Variants in NEXMIF observed in about 807,000 individuals in gnomAD.
The protein encoded by NEXMIF is neurite extension and migration factor, also known as XLMR protein related to neurite extension.
In NEXMIF, 8 loss-of-function variants were observed where a neutral mutation model predicts 62.1. The observed-to-expected ratio is 0.13, with a 90% confidence interval of 0.08 to 0.23. The LOEUF (loss-of-function observed/expected upper bound fraction) is 0.23. Ranked by LOEUF, NEXMIF falls within the 10% of genes least tolerant of loss-of-function variation. The pLI is 1.00. For synonymous variants in NEXMIF, 404 were observed against 416.6 expected (o/e 0.97, Z 0.37); for missense variants, 976 against 1,113.3 (o/e 0.88, Z 1.75).
At chrX:74,838,684 G>A (rs1408742711) in intron 1 of NEXMIF, among the ~76,000 whole-genome samples, 2 of 111,533 alleles carry the variant, frequency 1.8e-5, no homozygotes, top group Admixed American at 1.9e-4. Context: ...TAAATTGTTG[G>A]TTTTTAAGGC....
chrX:74,855,479 G>A (rs2080531747), intron 1 of NEXMIF, among the ~76,000 whole-genome samples: 1 of 111,842 alleles, frequency 8.9e-6, no homozygotes, highest in Non-Finnish European at 1.9e-5. Flanking sequence ...GCCAACAATA[G>A]GTTAACCAAA....
chrX:74,853,354 AC>A (rs2080522670), intron 1 of NEXMIF, among the ~76,000 whole-genome samples: 1 of 108,244 alleles, frequency 9.2e-6, no homozygotes, highest in South Asian at 4.2e-4. Flanking sequence ...TGGCCCTCTG[AC>A]CCTAGTCTTT....
At chrX:74,875,563 G>A (rs748660910) in intron 1 of NEXMIF, among the ~76,000 whole-genome samples, 2 of 111,914 alleles carry the variant, frequency 1.8e-5, no homozygotes, top group African/African-American at 6.5e-5. Flanking sequence ...AGTTTCAGAA[G>A]GAATGGTACC....
intron 1 of NEXMIF, among the ~76,000 whole-genome samples, chrX:74,777,133 C>T (rs1169662685): frequency 1.8e-5 from 2 of 111,348 alleles, no homozygotes; most frequent in Non-Finnish European, 3.8e-5. Context: ...TACATTTAAC[C>T]CTTACAAAAA....
At chrX:74,877,445 T>A (rs963098268) in intron 1 of NEXMIF, among the ~76,000 whole-genome samples, 1 of 111,280 alleles carries the variant, frequency 9.0e-6, no homozygotes, top group Non-Finnish European at 1.9e-5. Context: ...ATTTCAACTT[T>A]GGTGAATCTG....
rs757931356 is a variant in NEXMIF, at chrX:74,818,095, AAAAAAAAATTAT to A, written c.-47-72410_-47-72399del. 3.7e-3 allele frequency among the ~76,000 whole-genome samples: 409 copies of A among 110,053 alleles called. 2 individuals are homozygous for A. Among genetic ancestry groups the A allele is most frequent in the African/African-American group, 0.012 (374 of 30,455 alleles). Reference sequence around the variant, plus strand: ...CACCAATGACATTTTTCACAGAATTAAAAAAAAATTATAAAAAAAATTATAAAAAAAACTTAT... The same window carrying A: ...CACCAATGACATTTTTCACAGAATTAAAAAAAAATTATAAAAAAAACTTAT... On this transcript the variant is annotated intron_variant, in intron 1 of 3. Coordinates refer to ENST00000055682, the MANE Select transcript of NEXMIF (RefSeq NM_001008537.3).
At chrX:74,878,886 G>C (rs2080650848) in intron 1 of NEXMIF, among the ~76,000 whole-genome samples, 1 of 112,478 alleles carries the variant, frequency 8.9e-6, no homozygotes, top group Non-Finnish European at 1.9e-5. Context: ...TGCGCCCACT[G>C]TCTGGCACTC....
intron 1 of NEXMIF, among the ~76,000 whole-genome samples, chrX:74,759,279 G>A (rs1194850167): frequency 1.8e-5 from 2 of 112,109 alleles, no homozygotes; most frequent in Non-Finnish European, 3.8e-5. Context: ...TAAAGATGCT[G>A]GATATTAGAC....
Position 74,878,395 on chromosome X carries a change from T to C in NEXMIF, c.-48+46488A>G, listed in dbSNP as rs186214846. ...GGAGAACCACTGCTCTCTTCAAAGC[T>C]GTCAGACAGGGACATTTAAGTCGGC... On this transcript the variant is annotated intron_variant, in intron 1 of 3. Coordinates refer to ENST00000055682, the MANE Select transcript of NEXMIF (RefSeq NM_001008537.3). Among the ~76,000 whole-genome samples, 5 of 112,432 alleles carry C rather than the reference T, an allele frequency of 4.4e-5. No individual in the cohort carries two copies. The Admixed American group carries it at 4.7e-4, about 11-fold the overall frequency.
chrX:74,846,616 C>T (rs937235536), intron 1 of NEXMIF, among the ~76,000 whole-genome samples: 4 of 111,796 alleles, frequency 3.6e-5, no homozygotes, highest in African/African-American at 6.5e-5. Context: ...TATTTTTAAA[C>T]GATTGAAGCT....
intron 1 of NEXMIF, among the ~76,000 whole-genome samples, chrX:74,884,668 G>A (rs775704373): frequency 2.7e-5 from 3 of 111,534 alleles, no homozygotes; most frequent in African/African-American, 9.8e-5. Context: ...GGCCTACAAA[G>A]TGACTTAGAC....
intron 1 of NEXMIF, among the ~76,000 whole-genome samples, chrX:74,828,151 GAA>G (rs2080424444): frequency 9.0e-6 from 1 of 111,583 alleles, no homozygotes; most frequent in Admixed American, 9.6e-5. Flanking sequence ...TTTGTAGAGA[GAA>G]AAATCATTAT....
At chrX:74,903,325 T>TACAC (rs397897060) in intron 1 of NEXMIF, among the ~76,000 whole-genome samples, 6,077 of 51,182 alleles carry the variant, frequency 0.12, 702 homozygotes, top group East Asian at 0.14. Flanking sequence ...TTCTCAGGCA[T>TACAC]ACACACACAC....
At chrX:74,921,916 C>T (rs1009028658) in intron 1 of NEXMIF, among the ~76,000 whole-genome samples, 8 of 111,331 alleles carry the variant, frequency 7.2e-5, no homozygotes, top group East Asian at 2.8e-4. Context: ...ATGTAACAGT[C>T]GAATGCCATT....
chrX:74,786,983 G>A (rs767854782), intron 1 of NEXMIF, among the ~76,000 whole-genome samples: 4 of 109,056 alleles, frequency 3.7e-5, no homozygotes, highest in Non-Finnish European at 7.6e-5. Flanking sequence ...GCTATGGGCC[G>A]GGCACAGTGG....
At chrX:74,866,683 G>A (rs2080580577) in intron 1 of NEXMIF, among the ~76,000 whole-genome samples, 1 of 112,417 alleles carries the variant, frequency 8.9e-6, no homozygotes, top group Non-Finnish European at 1.9e-5. Context: ...ATGGGAGTGG[G>A]TTTTTACCAT....
intron 1 of NEXMIF, among the ~76,000 whole-genome samples, chrX:74,856,686 T>A (rs930745857): frequency 9.0e-6 from 1 of 111,299 alleles, no homozygotes; most frequent in African/African-American, 3.3e-5. Flanking sequence ...AAAAAGCACC[T>A]TCATAAGAGC....
chrX:74,776,727 CAAA>C lies in NEXMIF; in HGVS notation c.-47-31033_-47-31031del, dbSNP rs35129554. 2.3e-3 allele frequency among the ~76,000 whole-genome samples: 146 copies of C among 64,801 alleles called. 1 individual carries two copies. Among genetic ancestry groups the C allele is most frequent in the South Asian group, 7.7e-3 (8 of 1,033 alleles). The allele number at this position is 64,801 out of a possible 115,157, so 56.3% of individuals were successfully genotyped here. Reference sequence around the variant, plus strand: ...GGGCAACAAGAGCGAAACTCAGTCTCAAAAAAAAAAAAAAAAAACAAACAAAAA... The same window carrying C: ...GGGCAACAAGAGCGAAACTCAGTCTCAAAAAAAAAAAAAAACAAACAAAAA... On this transcript the variant is annotated intron_variant, in intron 1 of 3. Transcript: ENST00000055682.
chrX:74,840,314 C>T, intron 1 of NEXMIF, among the ~76,000 whole-genome samples: 1 of 111,202 alleles, frequency 9.0e-6, no homozygotes. Flanking sequence ...ATTATGAGAC[C>T]TTTGTCAGAT....
Sources: gnomAD v4.1 joint callset for allele counts (sites outside exome capture counted in the v4.1 genomes callset) on GRCh38, gnomAD v4.1.1 for gene constraint, MANE v1.5 for transcripts, NCBI Gene and HGNC (gene_info 2026-07-23, HGNC 2026-07-21) for gene names.